The following CHN2 variants were observed in gnomAD, a reference collection of about 807,000 sequenced individuals.
CHN2 encodes the protein beta-chimaerin.
In CHN2, 35 loss-of-function variants were observed where a neutral mutation model predicts 56.3. That is an observed-to-expected ratio of 0.62 (90% CI 0.47 to 0.82). CHN2 has a LOEUF of 0.82. Among genes scored for constraint, CHN2 ranks in the 40% least tolerant of loss-of-function variants. CHN2 has a pLI of 0.00. For synonymous variants in CHN2, 210 were observed against 212.8 expected (o/e 0.99, Z 0.12); for missense variants, 491 against 580.5 (o/e 0.85, Z 1.58).
intron 1 of CHN2, among the ~76,000 whole-genome samples, chr7:29,282,735 A>G (rs1791822072): frequency 2.0e-5 from 3 of 152,214 alleles, no homozygotes; most frequent in Non-Finnish European, 4.4e-5. Flanking sequence ...TTTAAAAAAT[A>G]TTTTAAGAGC....
chr7:29,269,311 T>C (rs923348517), intron 1 of CHN2, among the ~76,000 whole-genome samples: 4 of 152,244 alleles, frequency 2.6e-5, no homozygotes, highest in African/African-American at 9.6e-5. Flanking sequence ...TATTTGTCTT[T>C]TTGTGTTTGG....
chr7:29,258,552 T>A (rs548516524), intron 1 of CHN2, among the ~76,000 whole-genome samples: 13 of 152,216 alleles, frequency 8.5e-5, no homozygotes, highest in Non-Finnish European at 1.8e-4. Flanking sequence ...TCTCCCAGAA[T>A]GTCTAGCTCC....
intron 6 of CHN2, among the ~76,000 whole-genome samples, chr7:29,439,763 A>T (rs1783495536): frequency 6.6e-6 from 1 of 152,252 alleles, no homozygotes; most frequent in Admixed American, 6.5e-5. Flanking sequence ...TAAATGACCT[A>T]AGTATAATGT....
chr7:29,177,127 C>A (rs984352778), intron 2 of CHN2, among the ~76,000 whole-genome samples: 2 of 152,166 alleles, frequency 1.3e-5, no homozygotes, highest in Non-Finnish European at 2.9e-5. Context: ...CACAGAGACA[C>A]TAAAAAATTT....
chr7:29,348,445 T>A (rs1261437896), intron 1 of CHN2, among the ~76,000 whole-genome samples: 1 of 152,220 alleles, frequency 6.6e-6, no homozygotes, highest in African/African-American at 2.4e-5. Flanking sequence ...TTATTACCCA[T>A]TTTTTAAAGG....
intron 11 of CHN2, among the ~76,000 whole-genome samples, chr7:29,507,632 A>G (rs565670963): frequency 6.6e-6 from 1 of 152,270 alleles, no homozygotes; most frequent in Admixed American, 6.5e-5. Context: ...CAGGCCTATT[A>G]TATGTTGAAA....
chr7:29,266,276 T>C (rs1298525756), intron 1 of CHN2, among the ~76,000 whole-genome samples: 2 of 152,168 alleles, frequency 1.3e-5, no homozygotes, highest in African/African-American at 4.8e-5. Flanking sequence ...CTGTAACTCC[T>C]CCCTCCTCCC....
At chr7:29,401,895 A>G (rs886882109) in intron 6 of CHN2, among the ~76,000 whole-genome samples, 5 of 152,162 alleles carry the variant, frequency 3.3e-5, no homozygotes, top group African/African-American at 1.2e-4. Context: ...GCCTGGTCCT[A>G]TCTGTTTCCC....
At chr7:29,272,184 G>A (rs745612339) in intron 1 of CHN2, among the ~76,000 whole-genome samples, 1 of 152,114 alleles carries the variant, frequency 6.6e-6, no homozygotes, top group Non-Finnish European at 1.5e-5. Context: ...GACAGACACG[G>A]AGTCCGCCAC....
intron 7 of CHN2, among the ~76,000 whole-genome samples, chr7:29,484,333 C>G (rs1375920636): frequency 6.6e-6 from 1 of 152,168 alleles, no homozygotes; most frequent in African/African-American, 2.4e-5. Flanking sequence ...TAACAAATGA[C>G]CACAAACTTG....
chr7:29,346,137 C>T (rs10234755), intron 1 of CHN2, among the ~76,000 whole-genome samples: 36,475 of 152,050 alleles, frequency 0.24, 4,865 homozygotes, highest in Non-Finnish European at 0.3. Context: ...TTGCAGCAGT[C>T]AGGATGACCT....
intron 1 of CHN2, among the ~76,000 whole-genome samples, chr7:29,237,022 A>G (rs1370861896): frequency 6.6e-6 from 1 of 152,180 alleles, no homozygotes; most frequent in Non-Finnish European, 1.5e-5. Context: ...GAGGACATGG[A>G]CATCTTTAGT....
chr7:29,354,870 C>G (rs1004499058), intron 2 of CHN2, among the ~76,000 whole-genome samples: 3 of 151,992 alleles, frequency 2.0e-5, no homozygotes, highest in Admixed American at 1.3e-4. Flanking sequence ...CCAGCTGTGG[C>G]CCATTTCAAA....
At chr7:29,496,225 C>T (rs991004117) in intron 8 of CHN2, among the ~76,000 whole-genome samples, 189 bp downstream of exon 8, 1 of 148,870 alleles carries the variant, frequency 6.7e-6, no homozygotes, top group Non-Finnish European at 1.5e-5. Context: ...AAGAATATAT[C>T]ATGTTTATGC....
rs542649371 is a variant in CHN2, at chr7:29,289,697, A to G, written c.50-64928A>G. ...ACAAATATGCCCCAGCACTTCCTAC[A>G]TTGAAATAGATGGCACAAAAGATAA... is the stretch of plus-strand genomic sequence containing the variant. On this transcript the variant is annotated intron_variant, in intron 1 of 12. Coordinates refer to ENST00000222792, the MANE Select transcript of CHN2 (RefSeq NM_004067.4). Among the ~76,000 whole-genome samples the G allele has an allele frequency of 1.3e-4, 20 of 152,336 alleles. No individual in the cohort carries two copies. In the South Asian group the frequency reaches 3.9e-3, roughly 30 times the overall value.
chr7:29,269,262 AC>A (rs1790419992), intron 1 of CHN2, among the ~76,000 whole-genome samples: 1 of 152,074 alleles, frequency 6.6e-6, no homozygotes, highest in Non-Finnish European at 1.5e-5. Flanking sequence ...CATGAGTTCA[AC>A]TTTTTTTTAG....
chr7:29,476,102 T>C (rs1052387625), intron 6 of CHN2, among the ~76,000 whole-genome samples: 2 of 152,244 alleles, frequency 1.3e-5, no homozygotes, highest in African/African-American at 2.4e-5. Context: ...CTCAGTTAGT[T>C]GTGCCTATAT....
chr7:29,344,669 C>G (rs557193270), intron 1 of CHN2, among the ~76,000 whole-genome samples: 6 of 152,100 alleles, frequency 3.9e-5, no homozygotes, highest in Middle Eastern at 3.2e-3. Flanking sequence ...TGACTGGGCT[C>G]CACGTGCTGT....
rs187824582 is a variant in CHN2, at chr7:29,230,800, A to T, written c.49+35810A>T. 1.5e-3 allele frequency among the ~76,000 whole-genome samples: 228 copies of T among 152,032 alleles called. 3 individuals carry two copies. Among genetic ancestry groups the T allele is most frequent in the Admixed American group, 0.011 (167 of 15,284 alleles). The stretch of plus-strand genomic sequence containing the variant: ...CTGTTTAACATTCCCAAATCTTGAA[A>T]TTTTTTTTGTGTCTTATCTACAAAA... On this transcript the variant is annotated intron_variant, in intron 1 of 12. Coordinates refer to ENST00000222792, the MANE Select transcript of CHN2 (RefSeq NM_004067.4).
Sources: allele counts gnomAD v4.1 joint callset (sites outside exome capture counted in the v4.1 genomes callset), GRCh38; gene constraint gnomAD v4.1.1; transcripts MANE v1.5; gene names NCBI Gene and HGNC (gene_info 2026-07-23, HGNC 2026-07-21).